The following P4HA1 variants were observed in gnomAD, a reference collection of about 807,000 sequenced individuals.
The protein encoded by P4HA1 is prolyl 4-hydroxylase subunit alpha-1.
Under a neutral mutation model 72.8 loss-of-function variants are expected in P4HA1, and 24 were observed. The ratio of observed to expected loss-of-function variants is 0.33; its 90% CI spans 0.24 to 0.46. The LOEUF is 0.46. Among genes scored for constraint, P4HA1 ranks in the 20% least tolerant of loss-of-function variants. P4HA1 has a pLI of 1.00. For missense variants in P4HA1, 446 were observed against 640.6 expected (o/e 0.70, Z 3.28); for synonymous variants, 201 against 218.8 (o/e 0.92, Z 0.72).
intron 9 of P4HA1, among the ~76,000 whole-genome samples, chr10:73,032,704 G>A (rs1004832785): frequency 1.3e-5 from 2 of 152,284 alleles, no homozygotes; most frequent in African/African-American, 2.4e-5. Flanking sequence ...CTTCTTTAGA[G>A]AAGCTTTCCT....
In P4HA1 at chr10:73,046,927, T is replaced by C; in HGVS notation, c.1075A>G (p.Arg359Gly). The C allele has an allele frequency of 1.9e-6, 3 of 1,596,880 alleles. No individual in the cohort carries two copies. The South Asian group carries it at 3.4e-5, about 18-fold the overall frequency. The change falls in exon 8 of 15, where the codon AGG becomes GGG. Residue 359 changes from arginine to glycine, a missense_variant and splice_region_variant. Transcript: ENST00000394890. ...GAAAGAAAGAAAACATTATTTACCC[T>C]TGGTTTTGCTAGGTCTTTGACGATT... is the stretch of plus-strand genomic sequence containing the variant. ...IEIVKDLAKPRLRRATISNPI... is the reference protein window; with the variant it reads ...IEIVKDLAKPGLRRATISNPI...
intron 10 of P4HA1, among the ~76,000 whole-genome samples, chr10:73,025,571 C>T (rs1398399139): frequency 1.3e-5 from 2 of 152,032 alleles, no homozygotes; most frequent in Non-Finnish European, 2.9e-5. Context: ...GATACCCTCC[C>T]TCACCACTCC....
chr10:73,076,974 G>T (rs1260389504), intron 1 of P4HA1, among the ~76,000 whole-genome samples: 1 of 152,168 alleles, frequency 6.6e-6, no homozygotes, highest in Middle Eastern at 3.2e-3. Context: ...CACAAAAACT[G>T]GAAGTACTCC....
chr10:73,078,527 A>G (rs185502323), intron 1 of P4HA1, among the ~76,000 whole-genome samples: 69 of 152,166 alleles, frequency 4.5e-4, no homozygotes, highest in African/African-American at 1.6e-3. Flanking sequence ...TAATACAGTC[A>G]TAACTATGCA....
intron 9 of P4HA1, among the ~76,000 whole-genome samples, chr10:73,037,554 TATA>T (rs1840616015): frequency 1.8e-4 from 6 of 33,156 alleles, no homozygotes; most frequent in African/African-American, 7.0e-4. Flanking sequence ...TATATATATA[TATA>T]TATATATATA....
intron 1 of P4HA1, among the ~76,000 whole-genome samples, chr10:73,078,115 T>C (rs1348779415): frequency 6.9e-6 from 1 of 145,214 alleles, no homozygotes; most frequent in Non-Finnish European, 1.5e-5. Flanking sequence ...AGAAAACCAT[T>C]TAAAGAAAAT....
chr10:73,021,776 C>T (rs1840142041), intron 10 of P4HA1, among the ~76,000 whole-genome samples: 1 of 152,340 alleles, frequency 6.6e-6, no homozygotes, highest in East Asian at 1.9e-4. Flanking sequence ...AAAAACCGGA[C>T]AATCCTGCCC....
At chr10:73,084,698 C>A (rs374791737) in intron 1 of P4HA1, among the ~76,000 whole-genome samples, 1 of 151,924 alleles carries the variant, frequency 6.6e-6, no homozygotes, top group East Asian at 1.9e-4. Flanking sequence ...AGAAAATGAC[C>A]GTTATATACA....
intron 5 of P4HA1, among the ~76,000 whole-genome samples, chr10:73,066,251 T>C (rs1841418764): frequency 1.3e-5 from 2 of 152,114 alleles, no homozygotes; most frequent in African/African-American, 4.8e-5. Flanking sequence ...ATTCTACTTA[T>C]AAGGAATTTG....
At chr10:73,051,845 A>G (rs1841027962) in intron 6 of P4HA1, among the ~76,000 whole-genome samples, 3 of 152,212 alleles carry the variant, frequency 2.0e-5, no homozygotes, top group Non-Finnish European at 4.4e-5. Flanking sequence ...CTAATCAGCT[A>G]AAGGAACTAA....
chr10:73,058,715 A>G (rs1841220244), intron 5 of P4HA1, among the ~76,000 whole-genome samples: 1 of 152,056 alleles, frequency 6.6e-6, no homozygotes, highest in Non-Finnish European at 1.5e-5. Flanking sequence ...ACATGAAGTA[A>G]TGACTGGGGT....
intron 10 of P4HA1, among the ~76,000 whole-genome samples, chr10:73,028,730 C>T (rs573087005): frequency 2.6e-4 from 39 of 151,936 alleles, no homozygotes; most frequent in African/African-American, 7.2e-4. Context: ...CCACCAGACC[C>T]GGACAACAGT....
intron 5 of P4HA1, among the ~76,000 whole-genome samples, chr10:73,056,357 C>T (rs1199682373): frequency 2.0e-5 from 3 of 152,152 alleles, no homozygotes; most frequent in Non-Finnish European, 2.9e-5. Context: ...CTAGGCCAGG[C>T]GTGGTGGCTC....
intron 14 of P4HA1, among the ~76,000 whole-genome samples, chr10:73,008,807 C>T (rs1839848473): frequency 6.7e-6 from 1 of 150,186 alleles, no homozygotes; most frequent in Non-Finnish European, 1.5e-5. Context: ...AAATGTATCC[C>T]AAAAGCAGTT....
intron 5 of P4HA1, among the ~76,000 whole-genome samples, chr10:73,057,472 G>A (rs956104211): frequency 2.8e-4 from 42 of 151,232 alleles, no homozygotes; most frequent in South Asian, 1.5e-3. Flanking sequence ...CCTGGGCGAC[G>A]GAGCGAGACT....
At chr10:73,034,532 G>A (rs1840518560) in intron 9 of P4HA1, among the ~76,000 whole-genome samples, 1 of 150,760 alleles carries the variant, frequency 6.6e-6, no homozygotes, top group African/African-American at 2.4e-5. Flanking sequence ...CCTGTAAGAA[G>A]AATCATATAA....
chr10:73,046,220 G>A (rs191622047), intron 8 of P4HA1, among the ~76,000 whole-genome samples: 22 of 152,266 alleles, frequency 1.4e-4, no homozygotes, highest in African/African-American at 5.1e-4. Flanking sequence ...AGCAAAGCAT[G>A]CCTAGAATTT....
intron 12 of P4HA1, among the ~76,000 whole-genome samples, chr10:73,013,679 T>C (rs1031917946): frequency 6.6e-6 from 1 of 152,206 alleles, no homozygotes; most frequent in Non-Finnish European, 1.5e-5. Flanking sequence ...TATAAAAATA[T>C]ATAAACAATT....
intron 1 of P4HA1, among the ~76,000 whole-genome samples, chr10:73,091,414 A>AGGG (rs1457160075): frequency 6.6e-6 from 1 of 152,004 alleles, no homozygotes; most frequent in African/African-American, 2.4e-5. Flanking sequence ...AGATCTTCCC[A>AGGG]CCTCAGCCTC....
Sources: allele counts gnomAD v4.1 joint callset (sites outside exome capture counted in the v4.1 genomes callset), GRCh38; gene constraint gnomAD v4.1.1; transcripts MANE v1.5; gene names NCBI Gene and HGNC (gene_info 2026-07-23, HGNC 2026-07-21).